Variants in GSE1 observed in about 807,000 individuals in gnomAD.
GSE1 encodes Gse1 coiled-coil protein, also known as genetic suppressor element 1.
Under a neutral mutation model 112.6 loss-of-function variants are expected in GSE1, and 32 were observed. That is an observed-to-expected ratio of 0.28 (90% CI 0.21 to 0.38). The LOEUF (loss-of-function observed/expected upper bound fraction) is 0.38. Among genes scored for constraint, GSE1 ranks in the 10% least tolerant of loss-of-function variants. The probability of loss-of-function intolerance (pLI) is 1.00; values close to 1 mark genes in which losing one functional copy is unlikely to be tolerated. For synonymous variants in GSE1, 1,115 were observed against 735.6 expected, an observed-to-expected ratio of 1.52 and a Z score of -8.35; for missense variants, 2,348 against 1,699.2, an observed-to-expected ratio of 1.38 and a Z score of -6.71.
At chr16:85,339,912 TCCTCA>T (rs2046588327) in intron 1 of GSE1, among the ~76,000 whole-genome samples, 3 of 152,152 alleles carry the variant, frequency 2.0e-5, no homozygotes, top group African/African-American at 4.8e-5. Flanking sequence ...CACTGCCAAG[TCCTCA>T]GTGCCAAGAA....
chr16:85,345,584 G>T (rs2046717596), intron 1 of GSE1, among the ~76,000 whole-genome samples: 1 of 152,130 alleles, frequency 6.6e-6, no homozygotes, highest in South Asian at 2.1e-4. Flanking sequence ...TATGGAAAAT[G>T]ATATCTCTAC....
chr16:85,357,614 A>G (rs1338931119), exon 2 of GSE1: 1 of 1,288,950 alleles, frequency 7.8e-7, no homozygotes, highest in South Asian at 1.2e-5. Context: ...AGCAGCCGGG[A>G]GGAGGACGGA....
At chr16:85,251,161 C>T (rs941114189) in intron 1 of GSE1, among the ~76,000 whole-genome samples, 3 of 152,188 alleles carry the variant, frequency 2.0e-5, no homozygotes, top group African/African-American at 7.2e-5. Flanking sequence ...AGACATGTGC[C>T]TTGGTATGGG....
At chr16:85,371,290 G>T (rs969472445) in intron 2 of GSE1, among the ~76,000 whole-genome samples, 3 of 152,224 alleles carry the variant, frequency 2.0e-5, no homozygotes, top group African/African-American at 7.2e-5. Context: ...TGAGTCCCCG[G>T]GGATGGCCCC....
intron 2 of GSE1, among the ~76,000 whole-genome samples, chr16:85,504,846 C>A (rs4782710): frequency 0.42 from 63,664 of 151,968 alleles, 13,476 homozygotes; most frequent in Middle Eastern, 0.51. Context: ...TGGCTCTGGC[C>A]TTGGCTCTGC....
chr16:85,250,731 A>G (rs1906378116), intron 1 of GSE1, among the ~76,000 whole-genome samples: 2 of 152,128 alleles, frequency 1.3e-5, no homozygotes, highest in Non-Finnish European at 2.9e-5. Context: ...GGTTTTGAGG[A>G]TATTCACAGA....
rs748741954 is a variant in GSE1 at position 85,672,508 on chromosome 16, C to G, written c.3623C>G (p.Pro1208Arg). Reference sequence around the variant, plus strand: ...CTTGCCTTGCCTGCAATGCACTGGCCTAGGGGCTACCTGAAGGGATATCCC... The same window carrying G: ...CTTGCCTTGCCTGCAATGCACTGGCGTAGGGGCTACCTGAAGGGATATCCC... ...KCLALPAMHW[P>R]RGYLKGYPR Residue 1208 changes from proline (P) to arginine (R), a missense_variant, in exon 16 of 16, where the codon CCT (proline) becomes CGT (arginine). Coordinates refer to ENST00000253458, the MANE Select transcript of GSE1 (RefSeq NM_014615.5). 2.5e-6 allele frequency: 4 copies of G among 1,611,628 alleles called. No individual in the cohort carries two copies. In the Admixed American group the frequency reaches 6.7e-5, roughly 27 times the overall value.
At chr16:85,475,071 T>G (rs2050410535) in intron 2 of GSE1, among the ~76,000 whole-genome samples, 1 of 152,164 alleles carries the variant, frequency 6.6e-6, no homozygotes, top group African/African-American at 2.4e-5. Context: ...AAATTGTGCC[T>G]TGTAATAACA....
intron 2 of GSE1, among the ~76,000 whole-genome samples, chr16:85,470,904 A>G (rs979715632): frequency 1.3e-5 from 2 of 152,234 alleles, no homozygotes; most frequent in African/African-American, 4.8e-5. Flanking sequence ...ATACAAAGAT[A>G]AAATAAAACC....
At chr16:85,566,354 C>T (rs530400137) in intron 1 of GSE1, among the ~76,000 whole-genome samples, 30 of 152,288 alleles carry the variant, frequency 2.0e-4, no homozygotes, top group African/African-American at 6.5e-4. Flanking sequence ...CGCACAGCGC[C>T]GTGGTCACAA....
intron 1 of GSE1, among the ~76,000 whole-genome samples, chr16:85,260,874 G>T (rs1386737774): frequency 2.6e-5 from 4 of 152,250 alleles, no homozygotes; most frequent in Non-Finnish European, 4.4e-5. Context: ...GGAGTCCATG[G>T]GTGGCCTCTG....
At chr16:85,577,832 C>CT (rs2046291200) in intron 1 of GSE1, among the ~76,000 whole-genome samples, 1 of 152,240 alleles carries the variant, frequency 6.6e-6, no homozygotes, top group African/African-American at 2.4e-5. Flanking sequence ...CTTTTCCACT[C>CT]CAGTCCTCCA....
chr16:85,553,871 C>T (rs991686232), upstream of GSE1, among the ~76,000 whole-genome samples: 5 of 152,314 alleles, frequency 3.3e-5, no homozygotes, highest in African/African-American at 1.2e-4. Flanking sequence ...GAAGCCGCTG[C>T]ATTTAGCAGG....
At chr16:85,224,354 C>T (rs2075447146) in intron 1 of GSE1, among the ~76,000 whole-genome samples, 1 of 139,172 alleles carries the variant, frequency 7.2e-6, no homozygotes, top group Non-Finnish European at 1.5e-5. Context: ...GGGCGGATTC[C>T]AGGAGCCAAA....
chr16:85,337,551 C>T (rs974209142), intron 1 of GSE1, among the ~76,000 whole-genome samples: 12 of 151,984 alleles, frequency 7.9e-5, no homozygotes, highest in African/African-American at 2.4e-4. Context: ...GTGATCCGCC[C>T]GCCTCGGCCT....
intron 2 of GSE1, among the ~76,000 whole-genome samples, chr16:85,375,223 C>A (rs1389528174): frequency 6.6e-6 from 1 of 152,182 alleles, no homozygotes; most frequent in Non-Finnish European, 1.5e-5. Context: ...ATTACTAATC[C>A]CCTTGCCTGG....
rs532348330 is a variant in GSE1, at chr16:85,317,650, C to T, written c.2284-39813C>T. Among the ~76,000 whole-genome samples the T allele has an allele frequency of 8.5e-5, 13 of 152,200 alleles. No homozygotes were observed. In the East Asian group the frequency reaches 1.5e-3, roughly 18 times the overall value. On this transcript the variant is annotated intron_variant, in intron 1 of 2. Transcript: ENST00000637419. Reference sequence around the variant, plus strand: ...CGGTCAGCACTGGTGGGCATCCATGCGCCCTGCACAGCCCCCGAGGCCCCT... The same window carrying T: ...CGGTCAGCACTGGTGGGCATCCATGTGCCCTGCACAGCCCCCGAGGCCCCT...
At chr16:85,661,881 T>G in intron 9 of GSE1, 116 bp downstream of exon 9, 2 of 1,065,330 alleles carry the variant, frequency 1.9e-6, no homozygotes, top group Non-Finnish European at 2.6e-6. Context: ...CCTGGGGTAG[T>G]CCCAGGCCCC....
chr16:85,554,514 G>A (rs924686302), upstream of GSE1, among the ~76,000 whole-genome samples: 15 of 152,140 alleles, frequency 9.9e-5, no homozygotes. Flanking sequence ...GGGAGAGTGT[G>A]GGAGATGCTA....
Sources: allele counts gnomAD v4.1 joint callset (sites outside exome capture counted in the v4.1 genomes callset), GRCh38; gene constraint gnomAD v4.1.1; transcripts MANE v1.5; gene names NCBI Gene and HGNC (gene_info 2026-07-23, HGNC 2026-07-21).